Variants in FAM83B observed in about 807,000 individuals in gnomAD.
The protein encoded by FAM83B is protein FAM83B.
FAM83B carries 26 observed loss-of-function variants against 38.8 expected under a neutral mutation model. The observed-to-expected ratio is 0.67, with a 90% CI of 0.49 to 0.93. The LOEUF is 0.93. Ranked by LOEUF, FAM83B falls within the 40% of genes least tolerant of loss-of-function variation. The pLI is 0.00. For missense variants in FAM83B, 1,237 were observed against 1,197.3 expected, an observed-to-expected ratio of 1.03 and a Z score of -0.49; for synonymous variants, 419 against 423.1, an observed-to-expected ratio of 0.99 and a Z score of 0.12.
At chr6:54,878,461 A>G (rs564342814) in intron 2 of FAM83B, among the ~76,000 whole-genome samples, 1 of 152,294 alleles carries the variant, frequency 6.6e-6, no homozygotes, top group Non-Finnish European at 1.5e-5. Flanking sequence ...TGCAATTTTA[A>G]ATAGGGTGCT....
At chr6:54,863,882 G>C (rs1034586368) in intron 1 of FAM83B, among the ~76,000 whole-genome samples, 26 of 152,172 alleles carry the variant, frequency 1.7e-4, no homozygotes, top group African/African-American at 6.0e-4. Context: ...AATGATTACT[G>C]ATCAGGGCCA....
chr6:54,922,364 C>T (rs1773191057), intron 2 of FAM83B, among the ~76,000 whole-genome samples: 1 of 151,754 alleles, frequency 6.6e-6, no homozygotes, highest in African/African-American at 2.4e-5. Context: ...CCAGACTGCA[C>T]CAGACATATG....
At chr6:54,882,985 C>G (rs925273958) in intron 2 of FAM83B, among the ~76,000 whole-genome samples, 1 of 151,870 alleles carries the variant, frequency 6.6e-6, no homozygotes, top group Non-Finnish European at 1.5e-5. Flanking sequence ...GCTCTGTCAC[C>G]CAGGCCGGAG....
intron 2 of FAM83B, among the ~76,000 whole-genome samples, chr6:54,882,061 G>C (rs1015205715): frequency 3.3e-5 from 5 of 150,462 alleles, no homozygotes; most frequent in African/African-American, 1.2e-4. Flanking sequence ...ATGGTTTCCA[G>C]CTTCATCCAT....
At chr6:54,852,434 A>G (rs1771325767) in intron 1 of FAM83B, among the ~76,000 whole-genome samples, 1 of 152,222 alleles carries the variant, frequency 6.6e-6, no homozygotes, top group South Asian at 2.1e-4. Flanking sequence ...TCATGTGCAC[A>G]TATGACAGTG....
At chr6:54,884,299 T>TAAAAAAAAAAAAAAA (rs70983475) in intron 2 of FAM83B, among the ~76,000 whole-genome samples, 1 of 82,294 alleles carries the variant, frequency 1.2e-5, no homozygotes, top group Non-Finnish European at 2.1e-5. Context: ...AGACCCCGTC[T>TAAAAAAAAAAAAAAA]AAAAAAAAAA....
chr6:54,876,021 C>T (rs1009891805), intron 2 of FAM83B, among the ~76,000 whole-genome samples: 2 of 151,896 alleles, frequency 1.3e-5, no homozygotes, highest in Admixed American at 6.6e-5. Context: ...CCAAAGTCGT[C>T]AGTAACTTAG....
chr6:54,896,997 T>C (rs1187743061), intron 2 of FAM83B, among the ~76,000 whole-genome samples: 2 of 152,200 alleles, frequency 1.3e-5, no homozygotes, highest in Admixed American at 6.5e-5. Context: ...CACAATACTA[T>C]GAAAATACAT....
chr6:54,910,135 C>T (rs919619161), intron 2 of FAM83B, among the ~76,000 whole-genome samples: 1 of 152,112 alleles, frequency 6.6e-6, no homozygotes, highest in Admixed American at 6.6e-5. Flanking sequence ...CCATGAAAAC[C>T]AGCTCACAAT....
intron 1 of FAM83B, among the ~76,000 whole-genome samples, chr6:54,858,024 A>G (rs993416933): frequency 2.0e-5 from 3 of 152,164 alleles, no homozygotes; most frequent in Non-Finnish European, 2.9e-5. Flanking sequence ...AACCAACTGG[A>G]TATGTGAGTC....
chr6:54,870,605 A>G lies in FAM83B; in HGVS notation c.359A>G (p.His120Arg), dbSNP rs1771826901. 1.2e-6 allele frequency: 2 copies of G among 1,614,048 alleles called. No individual in the cohort carries two copies. Among genetic ancestry groups the G allele is most frequent in the African/African-American group, 2.7e-5 (2 of 75,014 alleles). ...ATGCCCGGACTCTTAGGGGGCACCC[A>G]TATAGATCTCCTTTTTCATCCACCA... is the stretch of plus-strand genomic sequence containing the variant. ...YVMPGLLGGT[H>R]IDLLFHPPRA... The change falls in exon 2 of 5, where the codon CAT becomes CGT. Residue 120 changes from histidine (H) to arginine (R), a missense_variant. Coordinates refer to ENST00000306858, the MANE Select transcript of FAM83B (RefSeq NM_001010872.3).
intron 1 of FAM83B, among the ~76,000 whole-genome samples, chr6:54,865,052 T>A (rs982427412): frequency 6.6e-6 from 1 of 152,222 alleles, no homozygotes; most frequent in Non-Finnish European, 1.5e-5. Flanking sequence ...TAAGTTTATT[T>A]AAAAATTTTG....
intron 4 of FAM83B, among the ~76,000 whole-genome samples, chr6:54,931,221 C>T (rs1416237591): frequency 1.3e-5 from 2 of 152,096 alleles, no homozygotes; most frequent in Non-Finnish European, 2.9e-5. Flanking sequence ...CGTGATCTGT[C>T]TTGGAGAATG....
intron 2 of FAM83B, among the ~76,000 whole-genome samples, chr6:54,879,767 TA>T (rs1322612393): frequency 6.6e-6 from 1 of 152,156 alleles, no homozygotes; most frequent in Non-Finnish European, 1.5e-5. Flanking sequence ...ATTTTGGACA[TA>T]ATAATATTGT....
At chr6:54,902,884 T>C (rs1426046415) in intron 2 of FAM83B, among the ~76,000 whole-genome samples, 9 of 152,350 alleles carry the variant, frequency 5.9e-5, no homozygotes, top group African/African-American at 1.7e-4. Context: ...CAAAATGATT[T>C]GTTCAGAGTA....
At chr6:54,884,481 CAAAA>C (rs769913282) in intron 2 of FAM83B, among the ~76,000 whole-genome samples, 1 of 71,094 alleles carries the variant, frequency 1.4e-5, no homozygotes. Flanking sequence ...GACTCTGTCT[CAAAA>C]AAAAAAAAAA....
At chr6:54,901,258 G>A (rs1330525501) in intron 2 of FAM83B, among the ~76,000 whole-genome samples, 1 of 152,052 alleles carries the variant, frequency 6.6e-6, no homozygotes, top group Non-Finnish European at 1.5e-5. Context: ...TTCTTAGACT[G>A]TAAACTCCAG....
chr6:54,864,546 A>G (rs1771657614), intron 1 of FAM83B, among the ~76,000 whole-genome samples: 1 of 152,184 alleles, frequency 6.6e-6, no homozygotes, highest in Non-Finnish European at 1.5e-5. Context: ...TGTTATAAGT[A>G]TTATTATGAA....
At position 54,911,585 on chromosome 6, in the gene FAM83B, C is replaced by CT. The variant is rs1248467805; in HGVS notation, c.445-14780dup. 3.3e-5 allele frequency among the ~76,000 whole-genome samples: 5 copies of CT among 152,016 alleles called. No individual in the cohort carries two copies. The East Asian group carries it at 5.8e-4, about 18-fold the overall frequency. On this transcript the variant is annotated intron_variant, in intron 2 of 4. Transcript: ENST00000306858. The stretch of plus-strand genomic sequence containing the variant: ...CTTTGGGCCCCTTCTTAGCATATGG[C>CT]TTTTTTGTATTTCGTAAGGTCAGTA...
Sources: allele counts gnomAD v4.1 joint callset (sites outside exome capture counted in the v4.1 genomes callset), GRCh38; gene constraint gnomAD v4.1.1; transcripts MANE v1.5; gene names NCBI Gene and HGNC (gene_info 2026-07-23, HGNC 2026-07-21).